Variants in DFFB observed in about 807,000 individuals in gnomAD.
DFFB encodes the protein DNA fragmentation factor 40 kDa subunit.
DFFB carries 29 observed loss-of-function variants against 32.7 expected under a neutral mutation model. The observed-to-expected ratio is 0.89, with a 90% CI of 0.66 to 1.21. DFFB has a LOEUF of 1.21. Among genes scored for constraint, DFFB ranks in the 50% most tolerant of loss-of-function variants. The probability of loss-of-function intolerance (pLI) is 0.00; values close to 1 mark genes in which losing one functional copy is unlikely to be tolerated. For missense variants in DFFB, 398 were observed against 440.6 expected (o/e 0.90, Z 0.87); for synonymous variants, 170 against 177.1 (o/e 0.96, Z 0.32).
chr1:3,872,976 T>A, intron 6 of DFFB: 1 of 1,255,352 alleles, frequency 8.0e-7, no homozygotes, highest in Non-Finnish European at 1.0e-6. Flanking sequence ...GGTGTTATGA[T>A]AGGTAAGGGT....
rs140115767 is a variant in DFFB, at chr1:3,875,775, G to A, written c.782+3203G>A. On this transcript the variant is annotated intron_variant, in intron 6 of 6. Transcript: ENST00000378209. ...AATCCTATGATATCTTTTATCACAA[G>A]TTTTATTTATTTATTTTTTGAGATG... is the stretch of plus-strand genomic sequence containing the variant. Among the ~76,000 whole-genome samples, 17 of 152,098 alleles carry A rather than the reference G, an allele frequency of 1.1e-4. No homozygotes were observed. The East Asian group carries it at 2.5e-3, about 22-fold the overall frequency.
intron 6 of DFFB, chr1:3,873,203 A>G: frequency 5.3e-6 from 1 of 188,282 alleles, no homozygotes; most frequent in South Asian, 9.5e-5. Context: ...CTCAGCAGGC[A>G]GGAGTGTTTC....
intron 6 of DFFB, 67 bp downstream of exon 6, chr1:3,872,639 T>A (rs1645143456): frequency 7.1e-7 from 1 of 1,398,688 alleles, no homozygotes. Flanking sequence ...CGTGGCCCTG[T>A]CCCTGCCATG....
At position 3,864,553 on chromosome 1, in the gene DFFB, G is replaced by C. The variant is rs373724007; in HGVS notation, c.242-1259G>C. 9.9e-5 allele frequency among the ~76,000 whole-genome samples: 15 copies of C among 152,030 alleles called. 1 individual carries two copies. Among genetic ancestry groups the C allele is most frequent in the African/African-American group, 2.2e-4 (9 of 41,482 alleles). ...ATATCTTTTATAAAAACAGAGACAG[G>C]GTCTCACTCTGTTGCCCACGTTGGA... is the stretch of plus-strand genomic sequence containing the variant. On this transcript the variant is annotated intron_variant, in intron 2 of 6. Transcript: ENST00000378209.
Position 3,883,908 on chromosome 1 carries a change from T to C in DFFB, c.*167T>C. 1 of 623,460 alleles carries C rather than the reference T, an allele frequency of 1.6e-6. No homozygotes were observed. The allele number at this position is 623,460 out of a possible 1,614,324, so 38.6% of individuals were successfully genotyped here. The stretch of plus-strand genomic sequence containing the variant: ...AATCTGATTTCATTACATTTCTGAA[T>C]TGTTGGGGTTTTTTTTGTTGTTTTG... On this transcript the variant is annotated 3_prime_UTR_variant, in exon 7 of 7. Coordinates refer to ENST00000378209, the MANE Select transcript of DFFB (RefSeq NM_004402.4).
intron 2 of DFFB, among the ~76,000 whole-genome samples, chr1:3,863,379 A>T (rs1457642861): frequency 1.3e-5 from 2 of 152,206 alleles, no homozygotes; most frequent in African/African-American, 4.8e-5. Context: ...GTGGGCGAGG[A>T]TGCAGAGCGG....
intron 6 of DFFB, among the ~76,000 whole-genome samples, chr1:3,877,002 G>A (rs911321426): frequency 4.6e-5 from 7 of 152,176 alleles, no homozygotes; most frequent in Admixed American, 6.5e-5. Context: ...CCTGCCTCCC[G>A]TGGGAGGGCT....
At position 3,883,504 on chromosome 1, in the gene DFFB, CAGAAT is replaced by C; in HGVS notation, c.785_789del (p.Ile262LysfsTer14). 1 of 1,613,334 alleles carries C rather than the reference CAGAAT, an allele frequency of 6.2e-7. No homozygotes were observed. Among genetic ancestry groups the C allele is most frequent in the Non-Finnish European group, 8.5e-7 (1 of 1,179,698 alleles). ...AAATGATGTCTCTAACCTTACTTTG[CAGAAT>C]AGAAAAGAAACGCACCATCATTCCT... On this transcript the variant is annotated splice_acceptor_variant and coding_sequence_variant, in exon 7 of 7. Coordinates refer to ENST00000378209, the MANE Select transcript of DFFB (RefSeq NM_004402.4). LOFTEE classifies it high-confidence loss of function.
rs1644773125 is a variant in DFFB at position 3,857,692 on chromosome 1, T to A, written c.89T>A (p.Leu30Gln). 3.2e-6 allele frequency: 5 copies of A among 1,572,196 alleles called. No homozygotes were observed. In the East Asian group the frequency reaches 1.2e-4, roughly 37 times the overall value. The change falls in exon 1 of 7, where the codon CTG becomes CAG. Residue 30 changes from leucine (L) to glutamine (Q), a missense_variant. Leu to Gln is a moderately radical substitution (Grantham distance 113). Transcript: ENST00000378209. ...GCTGGCCGGAGCTGCCAGGAGGTGCTGCGCAAGGGCTGTCTCCGCTTCCAG... is the reference window on the plus strand; with the variant it reads ...GCTGGCCGGAGCTGCCAGGAGGTGCAGCGCAAGGGCTGTCTCCGCTTCCAG... ...GVAGRSCQEVLRKGCLRFQLP... is the reference protein window; with the variant it reads ...GVAGRSCQEVQRKGCLRFQLP...
chr1:3,859,375 A>G (rs1004499785), intron 2 of DFFB, among the ~76,000 whole-genome samples: 2 of 152,156 alleles, frequency 1.3e-5, no homozygotes, highest in Non-Finnish European at 2.9e-5. Flanking sequence ...TCAGGACACA[A>G]AGTCCTGCCT....
At chr1:3,877,734 A>C (rs1365156504) in intron 6 of DFFB, among the ~76,000 whole-genome samples, 2 of 152,134 alleles carry the variant, frequency 1.3e-5, no homozygotes, top group Admixed American at 6.5e-5. Flanking sequence ...GTTTGTGTTC[A>C]GTGTCTTGTG....
At chr1:3,872,415 A>C in intron 5 of DFFB, 57 bp from the exon 6 acceptor site, 14 of 528,142 alleles carry the variant, frequency 2.7e-5, no homozygotes, top group African/African-American at 2.6e-4. Context: ...CTGTCTCAAG[A>C]AAAAAAAAAA....
chr1:3,870,850 A>T (rs1341413767), intron 5 of DFFB, among the ~76,000 whole-genome samples: 1 of 151,842 alleles, frequency 6.6e-6, no homozygotes, highest in Non-Finnish European at 1.5e-5. Context: ...TCTGCTGGGG[A>T]GGCTGTGAGT....
intron 5 of DFFB, among the ~76,000 whole-genome samples, chr1:3,871,671 C>T (rs1305839095): frequency 6.6e-6 from 1 of 152,226 alleles, no homozygotes; most frequent in Non-Finnish European, 1.5e-5. Context: ...TCAGTAAGAT[C>T]ACCTGACTTG....
chr1:3,857,666 G>A lies in DFFB; in HGVS notation c.63G>A (p.Val21=), dbSNP rs750190734. ...TGCGCAGCCCGAGGAAGTTCGGCGT[G>A]GCTGGCCGGAGCTGCCAGGAGGTGC... ...RALRSPRKFG[V]AGRSCQEVLR... The change falls in exon 1 of 7, where the codon GTG becomes GTA. Residue 21 remains valine, a synonymous_variant. Transcript: ENST00000378209. 4 of 1,598,142 alleles carry A rather than the reference G, an allele frequency of 2.5e-6. No homozygotes were observed. The African/African-American group carries it at 4.0e-5, about 16-fold the overall frequency.
At position 3,866,166 on chromosome 1, in the gene DFFB, C is replaced by T. The variant is rs946076919; in HGVS notation, c.430+166C>T. 3.0e-5 allele frequency: 21 copies of T among 708,370 alleles called. No homozygotes were observed. The East Asian group carries it at 3.0e-4, about 10-fold the overall frequency. The allele number at this position is 708,370 out of a possible 1,614,324, so 43.9% of individuals were successfully genotyped here. On this transcript the variant is annotated intron_variant, in intron 3 of 6. Transcript: ENST00000378209. Reference sequence around the variant, plus strand: ...CTCATTTCCCAGCATTTCCCAGCCTCGTGGGAAAGGTACCCAGCAAGGACT... The same window carrying T: ...CTCATTTCCCAGCATTTCCCAGCCTTGTGGGAAAGGTACCCAGCAAGGACT...
intron 6 of DFFB, among the ~76,000 whole-genome samples, 189 bp downstream of exon 6, chr1:3,872,761 C>T (rs931059249): frequency 6.6e-6 from 1 of 152,192 alleles, no homozygotes; most frequent in Admixed American, 6.5e-5. Flanking sequence ...GCATAGGGGG[C>T]TGCTGAGTGG....
At chr1:3,872,368 G>A (rs916451106) in intron 5 of DFFB, 104 bp from the exon 6 acceptor site, 25 of 784,830 alleles carry the variant, frequency 3.2e-5, no homozygotes, top group East Asian at 2.8e-4. Context: ...AGCCGAGATC[G>A]GGCCACTGCA....
At chr1:3,871,982 C>A (rs911447886) in intron 5 of DFFB, among the ~76,000 whole-genome samples, 1 of 152,128 alleles carries the variant, frequency 6.6e-6, no homozygotes, top group Non-Finnish European at 1.5e-5. Context: ...TGGTGCTAGA[C>A]CCTTCATGAG....
Sources: gnomAD v4.1 joint callset for allele counts (sites outside exome capture counted in the v4.1 genomes callset) on GRCh38, gnomAD v4.1.1 for gene constraint, MANE v1.5 for transcripts, NCBI Gene and HGNC (gene_info 2026-07-23, HGNC 2026-07-21) for gene names.